SERGEF: variants seen among roughly 807,000 people sequenced by gnomAD.
SERGEF encodes the protein secretion-regulating guanine nucleotide exchange factor.
A neutral mutation model predicts 50.0 loss-of-function variants in SERGEF; 51 were observed. The ratio of observed to expected loss-of-function variants is 1.02; its 90% CI spans 0.81 to 1.29. The LOEUF (loss-of-function observed/expected upper bound fraction) is 1.29. Ranked by LOEUF, SERGEF falls within the 50% of genes most tolerant of loss-of-function variation. SERGEF has a pLI of 0.00. For synonymous variants in SERGEF, 205 were observed against 212.4 expected (o/e 0.97, Z 0.30); for missense variants, 521 against 557.0 (o/e 0.94, Z 0.65).
intron 10 of SERGEF, among the ~76,000 whole-genome samples, chr11:17,807,273 T>A (rs1849776463): frequency 6.6e-6 from 1 of 152,144 alleles, no homozygotes; most frequent in Non-Finnish European, 1.5e-5. Context: ...TTATCCCTGA[T>A]GAGCTGCCCC....
intron 10 of SERGEF, among the ~76,000 whole-genome samples, chr11:17,867,913 C>T (rs1177397555): frequency 6.6e-6 from 1 of 152,162 alleles, no homozygotes; most frequent in Non-Finnish European, 1.5e-5. Flanking sequence ...GGCTGGGACA[C>T]AGGGCACCAA....
chr11:17,952,075 T>C (rs750729218), intron 9 of SERGEF, among the ~76,000 whole-genome samples: 1 of 152,238 alleles, frequency 6.6e-6, no homozygotes, highest in Non-Finnish European at 1.5e-5. Flanking sequence ...AATTCTATTA[T>C]TACTTACTTT....
chr11:17,825,535 G>A (rs957910481), intron 10 of SERGEF, among the ~76,000 whole-genome samples: 2 of 152,188 alleles, frequency 1.3e-5, no homozygotes, highest in Admixed American at 1.3e-4. Flanking sequence ...TGGGTGCCCT[G>A]AATGTCCTGG....
intron 10 of SERGEF, among the ~76,000 whole-genome samples, chr11:17,826,780 G>T (rs1850204107): frequency 1.3e-5 from 2 of 152,202 alleles, no homozygotes; most frequent in Non-Finnish European, 2.9e-5. Flanking sequence ...ATATGATAGA[G>T]AATATGTGAA....
At chr11:17,976,671 T>C (rs1853382885) in intron 8 of SERGEF, among the ~76,000 whole-genome samples, 1 of 152,124 alleles carries the variant, frequency 6.6e-6, no homozygotes, top group Non-Finnish European at 1.5e-5. Flanking sequence ...GAGTGCCATC[T>C]GCCAAAAACC....
At chr11:17,804,185 A>G (rs1430719027) in intron 10 of SERGEF, among the ~76,000 whole-genome samples, 1 of 152,252 alleles carries the variant, frequency 6.6e-6, no homozygotes, top group East Asian at 1.9e-4. Context: ...CAGAGTCCTG[A>G]TGCCCATCCT....
intron 9 of SERGEF, among the ~76,000 whole-genome samples, chr11:17,934,603 A>C (rs1189918725): frequency 6.6e-6 from 1 of 152,178 alleles, no homozygotes; most frequent in African/African-American, 2.4e-5. Context: ...TAATGTAAAA[A>C]CTTTATAAAG....
intron 9 of SERGEF, among the ~76,000 whole-genome samples, chr11:17,951,197 A>G (rs1159880765): frequency 6.6e-6 from 1 of 152,214 alleles, no homozygotes; most frequent in Non-Finnish European, 1.5e-5. Flanking sequence ...CAAAACCTGT[A>G]CCCGAAGCAG....
At chr11:17,845,380 T>A (rs2133866396) in intron 10 of SERGEF, among the ~76,000 whole-genome samples, 1 of 152,242 alleles carries the variant, frequency 6.6e-6, no homozygotes, top group South Asian at 2.1e-4. Context: ...AGTAGAAGAC[T>A]CAGTAGAGCT....
At chr11:17,934,890 T>C (rs1238841686) in intron 9 of SERGEF, among the ~76,000 whole-genome samples, 1 of 152,182 alleles carries the variant, frequency 6.6e-6, no homozygotes, top group Non-Finnish European at 1.5e-5. Context: ...TTCAAATCCA[T>C]ATCTAAGCAT....
rs200128977 is a variant in SERGEF, at chr11:17,910,185, A to ACTCTCT, written c.1012-31942_1012-31941insAGAGAG. Among the ~76,000 whole-genome samples, 1,050 of 108,468 alleles carry ACTCTCT rather than the reference A, an allele frequency of 9.7e-3. 66 individuals are homozygous for ACTCTCT. The East Asian group carries it at 0.16, about 16-fold the overall frequency. The allele number at this position is 108,468 out of a possible 152,430, so 71.2% of individuals were successfully genotyped here. ...ATTTGCCACCTACACACACACACAC[A>ACTCTCT]CACACACACTCTCTCTCTCTCTCTC... On this transcript the variant is annotated intron_variant, in intron 9 of 10. Transcript: ENST00000265965.
At chr11:17,798,718 G>C (rs1849610148) in intron 10 of SERGEF, among the ~76,000 whole-genome samples, 1 of 152,208 alleles carries the variant, frequency 6.6e-6, no homozygotes, top group Non-Finnish European at 1.5e-5. Flanking sequence ...GGCTTTCTGG[G>C]CTTATTGGCT....
intron 10 of SERGEF, among the ~76,000 whole-genome samples, chr11:17,808,459 A>G (rs1849805144): frequency 6.6e-6 from 1 of 152,178 alleles, no homozygotes. Context: ...CAAATCACAC[A>G]TGAACTCAGA....
intron 1 of SERGEF, 128 bp from the exon 2 acceptor site, chr11:18,008,204 C>T (rs1854123808): frequency 2.1e-6 from 2 of 949,196 alleles, no homozygotes; most frequent in Non-Finnish European, 3.0e-6. Flanking sequence ...TTATTAGGCT[C>T]ATTCTTTTTT....
At chr11:17,977,230 C>T (rs1853396422) in intron 8 of SERGEF, among the ~76,000 whole-genome samples, 1 of 152,154 alleles carries the variant, frequency 6.6e-6, no homozygotes, top group African/African-American at 2.4e-5. Context: ...AATAAGTAAA[C>T]ATATAATGAC....
intron 9 of SERGEF, among the ~76,000 whole-genome samples, chr11:17,949,372 G>A (rs1349751724): frequency 1.3e-5 from 2 of 151,892 alleles, no homozygotes; most frequent in African/African-American, 4.8e-5. Context: ...TAAACAACAA[G>A]GAGGTCCCAT....
chr11:17,997,884 A>G (rs1853870879), intron 5 of SERGEF, among the ~76,000 whole-genome samples: 1 of 152,100 alleles, frequency 6.6e-6, no homozygotes, highest in Non-Finnish European at 1.5e-5. Flanking sequence ...TGGAATGGGG[A>G]ATGGGGAGTT....
intron 10 of SERGEF, chr11:17,877,833 A>G (rs778922243): frequency 1.1e-5 from 2 of 177,292 alleles, no homozygotes; most frequent in Non-Finnish European, 2.3e-5. Context: ...GAAAGAGCCA[A>G]ACCAATAGGA....
chr11:18,000,423 TG>T, intron 5 of SERGEF, 73 bp downstream of exon 5: 1 of 1,029,512 alleles, frequency 9.7e-7, no homozygotes, highest in Non-Finnish European at 1.4e-6. Context: ...CACTCCAGCC[TG>T]GGCAACAGAG....
Sources: allele counts gnomAD v4.1 joint callset (sites outside exome capture counted in the v4.1 genomes callset), GRCh38; gene constraint gnomAD v4.1.1; transcripts MANE v1.5; gene names NCBI Gene and HGNC (gene_info 2026-07-23, HGNC 2026-07-21).